TANC1: variants seen among roughly 807,000 people sequenced by gnomAD.
The protein encoded by TANC1 is protein TANC1.
In TANC1, 77 loss-of-function variants were observed where a neutral mutation model predicts 149.7. That is an observed-to-expected ratio of 0.51 (90% confidence interval 0.43 to 0.62). TANC1 has a LOEUF of 0.62. Among genes scored for constraint, TANC1 ranks in the 20% least tolerant of loss-of-function variants. The pLI is 0.00. For synonymous variants in TANC1, 854 were observed against 925.0 expected (o/e 0.92, Z 1.39); for missense variants, 1,985 against 2,321.8 (o/e 0.85, Z 2.98).
intron 1 of TANC1, among the ~76,000 whole-genome samples, chr2:159,000,778 C>T (rs556450235): frequency 3.9e-5 from 6 of 151,948 alleles, no homozygotes; most frequent in South Asian, 4.2e-4. Flanking sequence ...TATGGAAATA[C>T]GGCTTCTGAC....
intron 2 of TANC1, among the ~76,000 whole-genome samples, chr2:159,028,949 T>G (rs1010450470): frequency 3.9e-5 from 6 of 152,152 alleles, no homozygotes; most frequent in African/African-American, 1.2e-4. Context: ...GAGATGAGGA[T>G]CTTGCTATGT....
intron 18 of TANC1, among the ~76,000 whole-genome samples, chr2:159,197,628 CAG>C (rs70994273): frequency 0.23 from 34,806 of 151,148 alleles, 5,051 homozygotes; most frequent in Non-Finnish European, 0.34. Context: ...CACACACACA[CAG>C]AGAGATACTG....
intron 2 of TANC1, among the ~76,000 whole-genome samples, chr2:159,035,820 CTTT>C (rs1574257477): frequency 1.3e-5 from 2 of 152,196 alleles, no homozygotes; most frequent in East Asian, 3.9e-4. Flanking sequence ...TCAGAAAGGA[CTTT>C]TCCCCTGCTG....
At chr2:159,176,147 T>C (rs1323321118) in intron 12 of TANC1, among the ~76,000 whole-genome samples, 1 of 152,240 alleles carries the variant, frequency 6.6e-6, no homozygotes, top group African/African-American at 2.4e-5. Context: ...ATGTTTGTTT[T>C]GTGAGAATTG....
intron 7 of TANC1, among the ~76,000 whole-genome samples, chr2:159,157,801 A>G (rs1329620532): frequency 6.6e-6 from 1 of 152,180 alleles, no homozygotes; most frequent in African/African-American, 2.4e-5. Flanking sequence ...AGGTTAAAAA[A>G]TGTTTGCTTT....
At chr2:159,214,817 G>A (rs1401348313) in intron 19 of TANC1, among the ~76,000 whole-genome samples, 1 of 152,176 alleles carries the variant, frequency 6.6e-6, no homozygotes, top group Non-Finnish European at 1.5e-5. Context: ...TAGATTAAGA[G>A]GCTTGAGGAC....
Position 158,982,045 on chromosome 2 carries a change from A to G in TANC1, c.-126+13263A>G, listed in dbSNP as rs529808995. On this transcript the variant is annotated intron_variant, in intron 1 of 26. Transcript: ENST00000263635. Reference sequence around the variant, plus strand: ...GCTATTTACATTTTTTTTTCCCTTGATATCCTTCCAAGTGCTAGTTGTATG... The same window carrying G: ...GCTATTTACATTTTTTTTTCCCTTGGTATCCTTCCAAGTGCTAGTTGTATG... Among the ~76,000 whole-genome samples, 4 of 151,974 alleles carry G rather than the reference A, an allele frequency of 2.6e-5. No individual in the cohort carries two copies. In the East Asian group the frequency reaches 7.8e-4, roughly 29 times the overall value.
chr2:158,976,581 G>T (rs72953165), intron 1 of TANC1, among the ~76,000 whole-genome samples: 2 of 152,156 alleles, frequency 1.3e-5, no homozygotes, highest in Non-Finnish European at 2.9e-5. Context: ...CAAGAAGGTG[G>T]CTCAAAAATT....
At chr2:159,009,428 A>G (rs1303623625) in intron 2 of TANC1, among the ~76,000 whole-genome samples, 1 of 152,264 alleles carries the variant, frequency 6.6e-6, no homozygotes, top group Non-Finnish European at 1.5e-5. Flanking sequence ...TAAAAAAGAC[A>G]TTCTATCATT....
chr2:159,206,416 G>A (rs566878352), intron 19 of TANC1, among the ~76,000 whole-genome samples: 9 of 152,290 alleles, frequency 5.9e-5, no homozygotes, highest in East Asian at 3.9e-4. Context: ...TCCTCTCTGC[G>A]AAGAAGGCAG....
At chr2:159,203,889 T>C (rs1318327438) in intron 19 of TANC1, among the ~76,000 whole-genome samples, 1 of 152,206 alleles carries the variant, frequency 6.6e-6, no homozygotes, top group African/African-American at 2.4e-5. Flanking sequence ...TCATGGGCTT[T>C]GTGAAGGCAG....
chr2:159,095,806 A>G (rs1296811316), intron 3 of TANC1, among the ~76,000 whole-genome samples: 1 of 149,542 alleles, frequency 6.7e-6, no homozygotes, highest in Non-Finnish European at 1.5e-5. Flanking sequence ...TATGTCCTAT[A>G]TGGAGGGGGT....
chr2:158,972,336 T>G (rs1260716745), intron 1 of TANC1, among the ~76,000 whole-genome samples: 2 of 152,218 alleles, frequency 1.3e-5, no homozygotes, highest in African/African-American at 4.8e-5. Flanking sequence ...GAGTATTCCT[T>G]TTTTTGGTGT....
intron 2 of TANC1, among the ~76,000 whole-genome samples, chr2:159,015,207 G>C (rs2038147052): frequency 1.3e-5 from 2 of 152,218 alleles, no homozygotes; most frequent in Non-Finnish European, 2.9e-5. Context: ...TCAAACCTCA[G>C]TTCTTGACTT....
At chr2:159,163,961 G>A (rs772554649) in intron 8 of TANC1, among the ~76,000 whole-genome samples, 1 of 152,100 alleles carries the variant, frequency 6.6e-6, no homozygotes, top group Admixed American at 6.6e-5. Flanking sequence ...TCTAATTGAG[G>A]CCGATTGTAC....
At chr2:159,061,945 A>G (rs1275807835) in intron 2 of TANC1, among the ~76,000 whole-genome samples, 1 of 152,158 alleles carries the variant, frequency 6.6e-6, no homozygotes, top group Non-Finnish European at 1.5e-5. Context: ...TTTGGTCTAT[A>G]ATATAAAGTA....
chr2:159,014,399 A>G (rs975070320), intron 2 of TANC1, among the ~76,000 whole-genome samples: 1 of 152,188 alleles, frequency 6.6e-6, no homozygotes, highest in Non-Finnish European at 1.5e-5. Context: ...TGATTCAGTT[A>G]TCTCCCACTG....
intron 7 of TANC1, among the ~76,000 whole-genome samples, chr2:159,151,994 A>G (rs1421386): frequency 0.029 from 4,397 of 152,198 alleles, 87 homozygotes; most frequent in Non-Finnish European, 0.046. Context: ...GGCACACTCT[A>G]TTTCCTACTC....
chr2:159,026,681 A>G (rs2039372141), intron 2 of TANC1, among the ~76,000 whole-genome samples: 1 of 152,060 alleles, frequency 6.6e-6, no homozygotes, highest in Non-Finnish European at 1.5e-5. Context: ...ACATGCTGCT[A>G]GTCCTTGCTG....
Sources: gnomAD v4.1 joint callset for allele counts (sites outside exome capture counted in the v4.1 genomes callset) on GRCh38, gnomAD v4.1.1 for gene constraint, MANE v1.5 for transcripts, NCBI Gene and HGNC (gene_info 2026-07-23, HGNC 2026-07-21) for gene names.